Variants in NELL1 observed in about 807,000 individuals in gnomAD.
NELL1 encodes the protein protein kinase C-binding protein NELL1.
Under a neutral mutation model 107.4 loss-of-function variants are expected in NELL1, and 76 were observed. That is an observed-to-expected ratio of 0.71 (90% CI 0.59 to 0.86). The LOEUF (loss-of-function observed/expected upper bound fraction) is 0.86, where lower values mean the gene tolerates loss of function less well. NELL1 is among the 40% of genes least tolerant of loss of function. NELL1 has a pLI of 0.00. For missense variants in NELL1, 1,024 were observed against 1,005.5 expected (o/e 1.02, Z -0.25); for synonymous variants, 353 against 341.2 (o/e 1.03, Z -0.38).
chr11:20,748,003 A>ATTACTTTC (rs1856041890), intron 2 of NELL1, among the ~76,000 whole-genome samples: 1 of 152,156 alleles, frequency 6.6e-6, no homozygotes, highest in Non-Finnish European at 1.5e-5. Context: ...CAAAGCTCCA[A>ATTACTTTC]TTACTTTCTT....
intron 13 of NELL1, among the ~76,000 whole-genome samples, chr11:21,129,795 A>C (rs1451144228): frequency 6.6e-6 from 1 of 152,222 alleles, no homozygotes; most frequent in Admixed American, 6.5e-5. Context: ...GGTATAGGGC[A>C]TTAGTTTTAC....
chr11:20,742,730 C>T (rs1379517308), intron 2 of NELL1, among the ~76,000 whole-genome samples: 1 of 152,134 alleles, frequency 6.6e-6, no homozygotes, highest in African/African-American at 2.4e-5. Context: ...TCAATGACCT[C>T]CTACTGGGTC....
At chr11:20,958,144 G>A (rs1411133994) in intron 11 of NELL1, among the ~76,000 whole-genome samples, 2 of 152,154 alleles carry the variant, frequency 1.3e-5, no homozygotes, top group African/African-American at 4.8e-5. Context: ...AAGGCTGGGT[G>A]TGGTGGCTCA....
intron 10 of NELL1, among the ~76,000 whole-genome samples, chr11:20,945,533 G>A (rs1197159074): frequency 6.6e-6 from 1 of 152,170 alleles, no homozygotes; most frequent in African/African-American, 2.4e-5. Flanking sequence ...GCTGACAAAA[G>A]GATTCAACAG....
At chr11:21,037,164 C>T (rs2134325651) in intron 12 of NELL1, among the ~76,000 whole-genome samples, 2 of 152,042 alleles carry the variant, frequency 1.3e-5, no homozygotes, top group South Asian at 4.2e-4. Flanking sequence ...TAGCCACTAG[C>T]CACATGTGAT....
intron 2 of NELL1, among the ~76,000 whole-genome samples, chr11:20,767,606 T>C (rs781162774): frequency 2.0e-5 from 3 of 152,234 alleles, no homozygotes; most frequent in Non-Finnish European, 4.4e-5. Context: ...ACCCAGGAAG[T>C]CTAGCTGGCT....
intron 15 of NELL1, among the ~76,000 whole-genome samples, chr11:21,488,737 C>A (rs563919262): frequency 6.6e-6 from 1 of 151,948 alleles, no homozygotes; most frequent in Non-Finnish European, 1.5e-5. Flanking sequence ...GCCTTTAAAA[C>A]GTGACAATGG....
chr11:21,067,449 T>A (rs1374381285), intron 12 of NELL1, among the ~76,000 whole-genome samples: 1 of 152,074 alleles, frequency 6.6e-6, no homozygotes, highest in Non-Finnish European at 1.5e-5. Context: ...CTAATTAGAG[T>A]AAGGCTTGCT....
intron 17 of NELL1, among the ~76,000 whole-genome samples, chr11:21,570,276 A>G (rs894496500): frequency 6.6e-6 from 1 of 151,784 alleles, no homozygotes; most frequent in Non-Finnish European, 1.5e-5. Context: ...GTCATCTTGG[A>G]TAAGTGGTTT....
At chr11:21,097,265 G>A (rs1854666358) in intron 12 of NELL1, among the ~76,000 whole-genome samples, 1 of 152,100 alleles carries the variant, frequency 6.6e-6, no homozygotes, top group Non-Finnish European at 1.5e-5. Context: ...GATATAAAAT[G>A]CTCCAGGAAT....
chr11:20,802,236 T>A lies in NELL1; in HGVS notation c.335+18406T>A, dbSNP rs55962109. Among the ~76,000 whole-genome samples the A allele has an allele frequency of 4.0e-3, 610 of 152,304 alleles. 6 individuals carry two copies. The highest frequency in any genetic ancestry group is 7.1e-3 in the Admixed American group (109 of 15,294). On this transcript the variant is annotated intron_variant, in intron 3 of 19. Transcript: ENST00000357134. ...CATGAATGTGGAATGTTTTTCCATT[T>A]GTGTGTGTTTGTCCTCTTCACATTC...
At chr11:20,976,156 T>TATAC (rs1851629451) in intron 12 of NELL1, among the ~76,000 whole-genome samples, 1 of 111,774 alleles carries the variant, frequency 8.9e-6, no homozygotes, top group African/African-American at 3.8e-5. Context: ...TGTATATATA[T>TATAC]ACACACATTA....
At chr11:20,863,211 C>T (rs573384138) in intron 4 of NELL1, among the ~76,000 whole-genome samples, 5 of 134,472 alleles carry the variant, frequency 3.7e-5, no homozygotes, top group Admixed American at 7.0e-5. Context: ...CGGACGGGGC[C>T]GCAGCCGGGC....
At position 21,314,000 on chromosome 11, in the gene NELL1, C is replaced by A. The variant is rs1015208519; in HGVS notation, c.1550-56853C>A. 5.9e-4 allele frequency among the ~76,000 whole-genome samples: 57 copies of A among 97,028 alleles called. 3 individuals carry two copies. Among genetic ancestry groups the A allele is most frequent in the African/African-American group, 2.2e-3 (38 of 16,942 alleles). The allele number at this position is 97,028 out of a possible 152,430, so 63.7% of individuals were successfully genotyped here. On this transcript the variant is annotated intron_variant, in intron 14 of 19. Transcript: ENST00000357134. ...TATGGAACCTACACTCTGCCCCCCC[C>A]CCCCCCCCCGCGACCCCCACTTGCT...
chr11:21,077,153 T>G (rs1328174413), intron 12 of NELL1, among the ~76,000 whole-genome samples: 1 of 152,098 alleles, frequency 6.6e-6, no homozygotes, highest in Non-Finnish European at 1.5e-5. Context: ...TGCTCTCTGT[T>G]TCTTTAAAGA....
intron 3 of NELL1, among the ~76,000 whole-genome samples, chr11:20,833,500 A>T (rs775645720): frequency 9.9e-5 from 15 of 152,216 alleles, no homozygotes; most frequent in Non-Finnish European, 1.9e-4. Flanking sequence ...ATATTTATTA[A>T]GTCACTACAA....
chr11:21,299,857 T>G (rs968239520), intron 14 of NELL1, among the ~76,000 whole-genome samples: 5 of 151,950 alleles, frequency 3.3e-5, no homozygotes, highest in African/African-American at 1.2e-4. Context: ...TTTCTTTAAT[T>G]TGTTTTTCAA....
intron 12 of NELL1, among the ~76,000 whole-genome samples, chr11:21,021,478 A>C (rs531996150): frequency 6.6e-6 from 1 of 152,114 alleles, no homozygotes; most frequent in Admixed American, 6.6e-5. Context: ...TTAAAACATT[A>C]AACTTATTTT....
chr11:20,928,317 C>A, intron 8 of NELL1, 60 bp from the exon 9 acceptor site: 2 of 1,448,012 alleles, frequency 1.4e-6, no homozygotes, highest in South Asian at 1.1e-5. Context: ...CAATGATCTC[C>A]ACAACAGGAG....
Sources: gnomAD v4.1 joint callset for allele counts (sites outside exome capture counted in the v4.1 genomes callset) on GRCh38, gnomAD v4.1.1 for gene constraint, MANE v1.5 for transcripts, NCBI Gene and HGNC (gene_info 2026-07-23, HGNC 2026-07-21) for gene names.